TAOK3: variants seen among roughly 807,000 people sequenced by gnomAD.
TAOK3 encodes the protein TAO kinase 3.
Under a neutral mutation model 120.4 loss-of-function variants are expected in TAOK3, and 40 were observed. The ratio of observed to expected loss-of-function variants is 0.33; its 90% CI spans 0.26 to 0.43. The LOEUF (loss-of-function observed/expected upper bound fraction) is 0.43. Ranked by LOEUF, TAOK3 falls within the 20% of genes least tolerant of loss-of-function variation. The pLI is 1.00. For missense variants in TAOK3, 821 were observed against 1,112.1 expected (o/e 0.74, Z 3.72); for synonymous variants, 355 against 387.5 (o/e 0.92, Z 0.99).
intron 7 of TAOK3, among the ~76,000 whole-genome samples, chr12:118,237,795 TAAAGATTGGTGGGCCCTTTTTC>T (rs1295119831): frequency 1.3e-5 from 2 of 152,206 alleles, no homozygotes; most frequent in African/African-American, 4.8e-5. Flanking sequence ...ACACAGTATC[TAAAGATTGGTGGGCCCTTTTTC>T]AAATTTCCCT....
At chr12:118,361,778 A>AC (rs35166703) in intron 1 of TAOK3, among the ~76,000 whole-genome samples, 4,577 of 151,938 alleles carry the variant, frequency 0.03, 200 homozygotes, top group African/African-American at 0.094. Flanking sequence ...TTTCCTTATT[A>AC]TTTTTAAAAT....
intron 1 of TAOK3, among the ~76,000 whole-genome samples, chr12:118,332,637 T>A (rs77690504): frequency 0.039 from 6,017 of 152,340 alleles, 190 homozygotes; most frequent in Non-Finnish European, 0.06. Context: ...CATGTTACTG[T>A]CCTGCTGTTC....
chr12:118,312,772 T>C (rs1189989397), intron 1 of TAOK3, among the ~76,000 whole-genome samples: 1 of 152,222 alleles, frequency 6.6e-6, no homozygotes, highest in African/African-American at 2.4e-5. Context: ...GTTTTGTCAC[T>C]ACCTTGCACT....
At chr12:118,331,505 C>T (rs1302804361) in intron 1 of TAOK3, among the ~76,000 whole-genome samples, 1 of 151,800 alleles carries the variant, frequency 6.6e-6, no homozygotes, top group East Asian at 1.9e-4. Context: ...ATTAGCCGGG[C>T]ATGGTGGCAC....
rs368209164 is a variant in TAOK3 at position 118,371,307 on chromosome 12, G to T, written c.-194+1341C>A. 1.3e-5 allele frequency among the ~76,000 whole-genome samples: 2 copies of T among 152,094 alleles called. No homozygotes were observed. The highest frequency in any genetic ancestry group is 6.5e-5 in the Admixed American group (1 of 15,274). On this transcript the variant is annotated intron_variant, in intron 1 of 20. Coordinates refer to ENST00000392533, the MANE Select transcript of TAOK3 (RefSeq NM_016281.4). This position sits in a 1 kb window ranked among gnomAD's most constrained non-coding sequence, Gnocchi z 5.5. Reference sequence around the variant, plus strand: ...AGAAGCCCCTTCCAACTTTTCACCTGACCTTTTCATTAAGATCAGGAAGCC... The same window carrying T: ...AGAAGCCCCTTCCAACTTTTCACCTTACCTTTTCATTAAGATCAGGAAGCC...
At chr12:118,242,190 T>G (rs2040284959) in intron 5 of TAOK3, among the ~76,000 whole-genome samples, 1 of 152,220 alleles carries the variant, frequency 6.6e-6, no homozygotes, top group Admixed American at 6.5e-5. Flanking sequence ...TTGTAACATT[T>G]ATTCTGCCTG....
chr12:118,190,165 G>T, intron 13 of TAOK3: 1 of 510,054 alleles, frequency 2.0e-6, no homozygotes, highest in Non-Finnish European at 3.4e-6. Flanking sequence ...CTGAATCCCT[G>T]GCAGGCTTTT....
At chr12:118,217,701 TA>T (rs200196166) in intron 9 of TAOK3, among the ~76,000 whole-genome samples, 6 of 147,598 alleles carry the variant, frequency 4.1e-5, no homozygotes, top group South Asian at 2.1e-4. Flanking sequence ...AAAAATAAAT[TA>T]AAAAAAATGA....
intron 11 of TAOK3, among the ~76,000 whole-genome samples, chr12:118,205,928 CT>C (rs556802843): frequency 3.8e-3 from 541 of 142,048 alleles, no homozygotes; most frequent in Middle Eastern, 7.3e-3. Flanking sequence ...CTCTCTCTCT[CT>C]TTTTTTTTTT....
intron 17 of TAOK3, among the ~76,000 whole-genome samples, chr12:118,167,914 T>C (rs1349639384): frequency 6.6e-6 from 1 of 152,192 alleles, no homozygotes; most frequent in African/African-American, 2.4e-5. Context: ...AGCGTGGCTC[T>C]TCATGTTTTC....
intron 1 of TAOK3, among the ~76,000 whole-genome samples, chr12:118,370,858 C>CA (rs1274049142): frequency 6.6e-6 from 1 of 152,206 alleles, no homozygotes. Flanking sequence ...CACCAGGACA[C>CA]ACAGTGTCTG....
intron 9 of TAOK3, among the ~76,000 whole-genome samples, chr12:118,229,930 T>TA (rs1026821593): frequency 3.3e-5 from 5 of 150,958 alleles, no homozygotes; most frequent in African/African-American, 9.7e-5. Context: ...GACTCTGTCT[T>TA]AAAAAAAAAT....
chr12:118,308,589 G>C (rs1174896286), intron 1 of TAOK3, among the ~76,000 whole-genome samples: 3 of 152,100 alleles, frequency 2.0e-5, no homozygotes, highest in African/African-American at 7.2e-5. Flanking sequence ...TACCTGGCAA[G>C]GGTGCTGCCC....
chr12:118,350,372 C>T (rs1204998659), intron 1 of TAOK3, among the ~76,000 whole-genome samples: 3 of 150,248 alleles, frequency 2.0e-5, no homozygotes, highest in Admixed American at 6.6e-5. Flanking sequence ...CATCAGTATA[C>T]ACCCCTGTAA....
intron 3 of TAOK3, chr12:118,245,936 T>C (rs948236458): frequency 6.7e-5 from 36 of 539,950 alleles, no homozygotes; most frequent in Middle Eastern, 9.6e-4. Flanking sequence ...AGGTAATCTA[T>C]GTGCAATGCA....
At chr12:118,288,153 A>AAGT (rs2042330966) in intron 1 of TAOK3, among the ~76,000 whole-genome samples, 1 of 151,874 alleles carries the variant, frequency 6.6e-6, no homozygotes, top group African/African-American at 2.4e-5. Context: ...AGTTTCCCTT[A>AAGT]AGTATTATCA....
chr12:118,209,614 GTCT>G (rs2038516840), intron 11 of TAOK3, among the ~76,000 whole-genome samples: 1 of 152,146 alleles, frequency 6.6e-6, no homozygotes, highest in African/African-American at 2.4e-5. Flanking sequence ...GGCCAGGCTG[GTCT>G]TGAACTTCTG....
At chr12:118,230,023 C>T (rs945804981) in intron 9 of TAOK3, among the ~76,000 whole-genome samples, 2 of 152,134 alleles carry the variant, frequency 1.3e-5, no homozygotes, top group Non-Finnish European at 2.9e-5. Flanking sequence ...TTCATAACAA[C>T]CCCACAAAGT....
intron 1 of TAOK3, among the ~76,000 whole-genome samples, chr12:118,349,772 A>T (rs899143665): frequency 9.2e-5 from 14 of 152,172 alleles, no homozygotes; most frequent in African/African-American, 2.4e-4. Flanking sequence ...TATCTAAATT[A>T]AAAAAAACAC....
Sources: gnomAD v4.1 joint callset for allele counts (sites outside exome capture counted in the v4.1 genomes callset) on GRCh38, gnomAD v4.1.1 for gene constraint, Gnocchi (gnomAD v3.1) non-coding constraint, MANE v1.5 for transcripts, NCBI Gene and HGNC (gene_info 2026-07-23, HGNC 2026-07-21) for gene names.